CNBD2: variants seen among roughly 807,000 people sequenced by gnomAD.
CNBD2 encodes cyclic nucleotide binding domain containing 2.
A neutral mutation model predicts 63.7 loss-of-function variants in CNBD2; 64 were observed. That is an observed-to-expected ratio of 1.00 (90% CI 0.82 to 1.24). The LOEUF (loss-of-function observed/expected upper bound fraction) is 1.24. Among genes scored for constraint, CNBD2 ranks in the 50% most tolerant of loss-of-function variants. The probability of loss-of-function intolerance (pLI) is 0.00; values close to 1 mark genes in which losing one functional copy is unlikely to be tolerated. For synonymous variants in CNBD2, 229 were observed against 255.4 expected (o/e 0.90, Z 0.99); for missense variants, 691 against 713.5 (o/e 0.97, Z 0.36).
At chr20:35,995,195 C>T (rs769030188) in intron 8 of CNBD2, 43 bp downstream of exon 8, 1 of 1,370,742 alleles carries the variant, frequency 7.3e-7, no homozygotes, top group South Asian at 1.2e-5. Context: ...GCGCCTGGGC[C>T]TGTCCTGTTT....
intron 10 of CNBD2, among the ~76,000 whole-genome samples, chr20:36,016,643 G>T (rs1013322480): frequency 3.9e-5 from 6 of 152,104 alleles, no homozygotes; most frequent in Admixed American, 6.6e-5. Flanking sequence ...TACAGAATTA[G>T]CCAGGTGTGG....
chr20:36,030,256 AG>A (rs2057327620), intron 11 of CNBD2, 100 bp from the exon 12 acceptor site: 2 of 1,152,402 alleles, frequency 1.7e-6, no homozygotes, highest in Admixed American at 3.7e-5. Context: ...TCAGAGAAGC[AG>A]AATGAAGCGC....
rs539363959 is a variant in CNBD2, at chr20:35,970,950, C to CT, written c.52-1664dup. Among the ~76,000 whole-genome samples the CT allele has an allele frequency of 6.4e-3, 877 of 136,714 alleles. 6 individuals are homozygous for CT. The highest frequency in any genetic ancestry group is 9.9e-3 in the East Asian group (47 of 4,740). 89.7% of individuals were successfully genotyped at this position (136,714 alleles called of 152,430 possible). On this transcript the variant is annotated intron_variant, in intron 1 of 11. Coordinates refer to ENST00000373973, the MANE Select transcript of CNBD2 (RefSeq NM_001365709.1). ...TTAGTTTTTGCATTTTTTTCTTTTT[C>CT]TTTTTTTTTTTTTTTGAGACGGAGT...
At chr20:36,019,568 C>T (rs1252483766) in intron 10 of CNBD2, among the ~76,000 whole-genome samples, 1 of 143,422 alleles carries the variant, frequency 7.0e-6, no homozygotes, top group Non-Finnish European at 1.5e-5. Flanking sequence ...AGCTATGGAA[C>T]GACCTGGCAG....
chr20:35,955,763 GTTTTGT>G (rs797002811), downstream of CNBD2, among the ~76,000 whole-genome samples: 167 of 152,232 alleles, frequency 1.1e-3, no homozygotes, highest in African/African-American at 3.7e-3. Context: ...CTCACAAATA[GTTTTGT>G]TTTTGTTTTT....
At chr20:36,011,017 A>G in intron 9 of CNBD2, 120 bp from the exon 10 acceptor site, 2 of 1,042,020 alleles carry the variant, frequency 1.9e-6, no homozygotes, top group Non-Finnish European at 2.6e-6. Context: ...CCTTCTGGGA[A>G]GTTGTGAATT....
At chr20:35,992,024 G>C (rs1298745803) in intron 7 of CNBD2, among the ~76,000 whole-genome samples, 3 of 152,122 alleles carry the variant, frequency 2.0e-5, no homozygotes, top group Non-Finnish European at 4.4e-5. Flanking sequence ...GGGATTACAG[G>C]TGCCCGCCAC....
intron 8 of CNBD2, among the ~76,000 whole-genome samples, chr20:35,997,246 C>A (rs148195246): frequency 1.3e-5 from 2 of 152,192 alleles, no homozygotes; most frequent in African/African-American, 2.4e-5. Flanking sequence ...TGCTTCCCCC[C>A]ACTTCCCTTG....
chr20:36,021,612 C>T (rs889285044), intron 10 of CNBD2, among the ~76,000 whole-genome samples: 1 of 152,116 alleles, frequency 6.6e-6, no homozygotes, highest in African/African-American at 2.4e-5. Flanking sequence ...GAGCCCTATA[C>T]AGCTGGCATT....
Position 36,030,606 on chromosome 20 carries a change from C to T in CNBD2, c.1689C>T (p.Ala563=), listed in dbSNP as rs2057333628. Residue 563 remains alanine, a synonymous_variant, in exon 12 of 12, where the codon GCC becomes GCT. Transcript: ENST00000373973. ...KYLPPLRIVQ[A]IKAPRYKIRE... is the part of the protein sequence containing the mutation. ...TCCCCCCATTGAGGATTGTCCAAGC[C>T]ATCAAAGCACCTCGGTACAAAATCC... 1 of 1,614,176 alleles carries T rather than the reference C, an allele frequency of 6.2e-7. No homozygotes were observed. Among genetic ancestry groups the T allele is most frequent in the Non-Finnish European group, 8.5e-7 (1 of 1,180,032 alleles).
chr20:36,008,077 C>T (rs1314317058), intron 8 of CNBD2, among the ~76,000 whole-genome samples: 1 of 152,122 alleles, frequency 6.6e-6, no homozygotes, highest in East Asian at 1.9e-4. Context: ...GTTAATCACC[C>T]TTCTCCAGAT....
At chr20:36,000,339 A>G (rs2056878953) in intron 8 of CNBD2, among the ~76,000 whole-genome samples, 1 of 151,968 alleles carries the variant, frequency 6.6e-6, no homozygotes, top group Non-Finnish European at 1.5e-5. Context: ...ATTTTTATTT[A>G]TTGTTTTCAA....
downstream of CNBD2, among the ~76,000 whole-genome samples, chr20:35,957,315 G>A (rs1419800409): frequency 6.6e-6 from 1 of 152,204 alleles, no homozygotes; most frequent in East Asian, 1.9e-4. Context: ...GGCCGGGCGC[G>A]GTGGCTCATG....
At chr20:36,014,442 G>C (rs1248014685) in intron 10 of CNBD2, among the ~76,000 whole-genome samples, 1 of 144,584 alleles carries the variant, frequency 6.9e-6, no homozygotes, top group Non-Finnish European at 1.5e-5. Context: ...TGATTCTCCT[G>C]CCTCTGCCTC....
chr20:35,962,907 T>C (rs2056319306), intron 2 of CNBD2, among the ~76,000 whole-genome samples: 1 of 152,212 alleles, frequency 6.6e-6, no homozygotes, highest in Non-Finnish European at 1.5e-5. Flanking sequence ...TAGTTTTCCT[T>C]CTTTTTAGGC....
At chr20:36,022,389 G>A (rs1050223661) in intron 10 of CNBD2, among the ~76,000 whole-genome samples, 3 of 151,252 alleles carry the variant, frequency 2.0e-5, no homozygotes, top group East Asian at 1.9e-4. Context: ...TAGTAGAGAC[G>A]GGTTTTCACC....
intron 7 of CNBD2, among the ~76,000 whole-genome samples, chr20:35,989,389 T>C (rs1363542640): frequency 6.6e-6 from 1 of 152,152 alleles, no homozygotes; most frequent in South Asian, 2.1e-4. Flanking sequence ...ATAGATCTCC[T>C]CCACCAGATT....
chr20:36,018,699 A>T (rs1048623077), intron 10 of CNBD2, among the ~76,000 whole-genome samples: 1 of 152,154 alleles, frequency 6.6e-6, no homozygotes, highest in African/African-American at 2.4e-5. Context: ...GAGCCAGGAG[A>T]TATAGGAAGT....
intron 5 of CNBD2, among the ~76,000 whole-genome samples, chr20:35,984,384 C>A (rs942343284): frequency 1.3e-5 from 2 of 152,230 alleles, no homozygotes; most frequent in African/African-American, 4.8e-5. Context: ...AGTGAGGCCT[C>A]TCCAGCTTCC....
Sources: allele counts gnomAD v4.1 joint callset (sites outside exome capture counted in the v4.1 genomes callset), GRCh38; gene constraint gnomAD v4.1.1; transcripts MANE v1.5; gene names NCBI Gene and HGNC (gene_info 2026-07-23, HGNC 2026-07-21).